CNTNAP2: variants seen among roughly 807,000 people sequenced by gnomAD.
CNTNAP2 encodes the protein contactin associated protein 2, also known as contactin-associated protein-like 2.
A neutral mutation model predicts 155.2 loss-of-function variants in CNTNAP2; 98 were observed. The observed-to-expected ratio is 0.63, with a 90% CI of 0.54 to 0.75. The LOEUF (loss-of-function observed/expected upper bound fraction) is 0.75. Among genes scored for constraint, CNTNAP2 ranks in the 30% least tolerant of loss-of-function variants. CNTNAP2 has a pLI of 0.00. For synonymous variants in CNTNAP2, 651 were observed against 631.2 expected (o/e 1.03, Z -0.47); for missense variants, 1,727 against 1,688.1 (o/e 1.02, Z -0.40).
At chr7:148,298,353 C>T (rs1180693643) in intron 21 of CNTNAP2, among the ~76,000 whole-genome samples, 1 of 152,096 alleles carries the variant, frequency 6.6e-6, no homozygotes, top group Non-Finnish European at 1.5e-5. Context: ...TTTAAGTCAG[C>T]CTAAAGGGTT....
intron 8 of CNTNAP2, among the ~76,000 whole-genome samples, chr7:147,182,125 C>CAAAAAAA (rs10718876): frequency 9.7e-5 from 9 of 92,386 alleles, no homozygotes; most frequent in Admixed American, 2.4e-4. Flanking sequence ...GACTCCATCT[C>CAAAAAAA]AAAAAAAAAA....
At chr7:147,991,939 G>A (rs1261169005) in intron 15 of CNTNAP2, among the ~76,000 whole-genome samples, 1 of 151,932 alleles carries the variant, frequency 6.6e-6, no homozygotes, top group Non-Finnish European at 1.5e-5. Context: ...TGCAGGTCTG[G>A]GAAACTTGGG....
At chr7:146,137,353 A>T (rs2116749484) in intron 1 of CNTNAP2, among the ~76,000 whole-genome samples, 1 of 152,264 alleles carries the variant, frequency 6.6e-6, no homozygotes, top group Admixed American at 6.5e-5. Flanking sequence ...TATATTATTG[A>T]AATATCTACT....
At chr7:148,117,117 G>A (rs1804490509) in intron 15 of CNTNAP2, among the ~76,000 whole-genome samples, 1 of 152,178 alleles carries the variant, frequency 6.6e-6, no homozygotes, top group Admixed American at 6.5e-5. Context: ...ACGCAGTTTG[G>A]TGTTTTTATT....
At chr7:146,118,780 A>G (rs1797522575) in intron 1 of CNTNAP2, among the ~76,000 whole-genome samples, 1 of 152,162 alleles carries the variant, frequency 6.6e-6, no homozygotes, top group Admixed American at 6.5e-5. Flanking sequence ...GAGAACATAG[A>G]AACAATTACT....
chr7:146,899,982 T>G (rs954454618), intron 3 of CNTNAP2, among the ~76,000 whole-genome samples: 14 of 152,330 alleles, frequency 9.2e-5, no homozygotes, highest in Admixed American at 2.0e-4. Context: ...AGCAATAGTT[T>G]GAGACTATTT....
At chr7:147,932,929 G>C (rs1800532224) in intron 14 of CNTNAP2, among the ~76,000 whole-genome samples, 1 of 152,068 alleles carries the variant, frequency 6.6e-6, no homozygotes. Flanking sequence ...ATCCAAAGAA[G>C]ATATACAACT....
chr7:147,310,998 T>C (rs1795114697), intron 9 of CNTNAP2, among the ~76,000 whole-genome samples: 1 of 152,106 alleles, frequency 6.6e-6, no homozygotes, highest in Non-Finnish European at 1.5e-5. Context: ...AAAAACAGGC[T>C]AGAGTGATCA....
intron 10 of CNTNAP2, among the ~76,000 whole-genome samples, chr7:147,432,000 C>G (rs190412122): frequency 6.6e-6 from 1 of 152,340 alleles, no homozygotes; most frequent in East Asian, 1.9e-4. Flanking sequence ...TAACATGCAT[C>G]TCAAATGCAT....
chr7:146,622,279 C>CTATCTATCTATCTATCTATA (rs1216256197), intron 1 of CNTNAP2, among the ~76,000 whole-genome samples: 3 of 100,550 alleles, frequency 3.0e-5, no homozygotes, highest in East Asian at 2.1e-4. Context: ...ATCTATCTAT[C>CTATCTATCTATCTATCTATA]TATATATATA....
intron 1 of CNTNAP2, among the ~76,000 whole-genome samples, chr7:146,172,978 G>GT (rs1183908874): frequency 6.6e-5 from 10 of 151,738 alleles, no homozygotes; most frequent in South Asian, 2.1e-4. Flanking sequence ...CTGTGTGTGT[G>GT]TTTTTTTTCT....
intron 8 of CNTNAP2, among the ~76,000 whole-genome samples, chr7:147,154,666 A>C (rs537876080): frequency 2.0e-5 from 3 of 152,300 alleles, no homozygotes; most frequent in African/African-American, 7.2e-5. Flanking sequence ...TGAAATGCAC[A>C]TAGCACACCA....
chr7:147,373,963 A>G (rs1306720434), intron 9 of CNTNAP2, among the ~76,000 whole-genome samples: 2 of 152,020 alleles, frequency 1.3e-5, no homozygotes, highest in Admixed American at 1.3e-4. Flanking sequence ...TATCAGGAAA[A>G]AAAAAGCAAA....
intron 13 of CNTNAP2, among the ~76,000 whole-genome samples, chr7:147,895,294 T>A (rs1434143490): frequency 6.6e-6 from 1 of 152,058 alleles, no homozygotes; most frequent in Non-Finnish European, 1.5e-5. Flanking sequence ...TTTAAGTAAG[T>A]CTTGGAAAAC....
intron 3 of CNTNAP2, among the ~76,000 whole-genome samples, chr7:146,973,957 C>T (rs151151111): frequency 7.9e-5 from 12 of 152,226 alleles, no homozygotes; most frequent in East Asian, 7.7e-4. Flanking sequence ...CCTATGATGC[C>T]GCTTGATTCA....
intron 21 of CNTNAP2, among the ~76,000 whole-genome samples, chr7:148,286,924 A>G (rs1366309476): frequency 1.3e-5 from 2 of 152,172 alleles, no homozygotes; most frequent in African/African-American, 2.4e-5. Flanking sequence ...TTTTGGTGTT[A>G]CATACTTGCC....
chr7:147,062,126 T>C (rs1799690513), intron 4 of CNTNAP2, among the ~76,000 whole-genome samples: 1 of 20,668 alleles, frequency 4.8e-5, no homozygotes, highest in Non-Finnish European at 9.7e-5. Context: ...AGACTCCGTC[T>C]CAAAAAAAAA....
chr7:146,475,013 GCACA>G (rs60787049), intron 1 of CNTNAP2, among the ~76,000 whole-genome samples: 4,939 of 144,334 alleles, frequency 0.034, 242 homozygotes, highest in African/African-American at 0.12. Flanking sequence ...GCGCGCGCGC[GCACA>G]CACACACACA....
intron 1 of CNTNAP2, among the ~76,000 whole-genome samples, chr7:146,274,829 C>T (rs1014333586): frequency 2.0e-5 from 3 of 152,136 alleles, no homozygotes; most frequent in African/African-American, 7.2e-5. Flanking sequence ...ACATTTCGAG[C>T]AAAGAGTGGG....
Sources: allele counts gnomAD v4.1 joint callset (sites outside exome capture counted in the v4.1 genomes callset), GRCh38; gene constraint gnomAD v4.1.1; transcripts MANE v1.5; gene names NCBI Gene and HGNC (gene_info 2026-07-23, HGNC 2026-07-21).